SLC44A2: variants seen among roughly 807,000 people sequenced by gnomAD.
SLC44A2 encodes the protein solute carrier family 44 member 2 (CTL2 blood group).
Under a neutral mutation model 90.8 loss-of-function variants are expected in SLC44A2, and 57 were observed. That is an observed-to-expected ratio of 0.63 (90% confidence interval 0.51 to 0.78). SLC44A2 has a LOEUF of 0.78. SLC44A2 is among the 30% of genes least tolerant of loss of function. The pLI is 0.00. For missense variants in SLC44A2, 794 were observed against 919.7 expected (o/e 0.86, Z 1.77); for synonymous variants, 355 against 360.7 (o/e 0.98, Z 0.18).
chr19:10,612,599 T>TG (rs1918336691), intron 1 of SLC44A2, among the ~76,000 whole-genome samples: 1 of 152,212 alleles, frequency 6.6e-6, no homozygotes. Context: ...AGTGGCTGGC[T>TG]GTACGGGTGA....
chr19:10,631,280 C>T lies in SLC44A2; in HGVS notation c.336C>T (p.Cys112=), dbSNP rs532034896. 9 of 1,614,026 alleles carry T rather than the reference C, an allele frequency of 5.6e-6. No individual in the cohort carries two copies. The highest frequency in any genetic ancestry group is 1.7e-5 in the Admixed American group (1 of 59,972). Residue 112 remains cysteine (C), a synonymous_variant, in exon 6 of 22, where the codon TGC becomes TGT. Transcript: ENST00000335757. ...LEFQCPTPQI[C]VEKCPDRYLT... The stretch of plus-strand genomic sequence containing the variant: ...CCTTCCTTCTCCCCTCCCAGATCTG[C>T]GTGGAAAAATGCCCCGACCGCTACC...
chr19:10,641,798 A>C (rs1239068082), intron 20 of SLC44A2, among the ~76,000 whole-genome samples: 5 of 149,692 alleles, frequency 3.3e-5, no homozygotes, highest in African/African-American at 7.4e-5. Flanking sequence ...GTGAGCTGAG[A>C]TTGCACCACT....
intron 1 of SLC44A2, among the ~76,000 whole-genome samples, chr19:10,613,862 A>G (rs1002499654): frequency 1.3e-5 from 2 of 152,176 alleles, no homozygotes; most frequent in African/African-American, 2.4e-5. Flanking sequence ...AAAATCTCCG[A>G]AAGAAACAGC....
intron 21 of SLC44A2, 74 bp downstream of exon 21, chr19:10,642,525 A>C: frequency 7.2e-7 from 1 of 1,390,006 alleles, no homozygotes; most frequent in Admixed American, 1.7e-5. Flanking sequence ...ATCACCCTCC[A>C]ACGGGGCAAC....
At chr19:10,605,872 T>C (rs1224792041) in intron 1 of SLC44A2, among the ~76,000 whole-genome samples, 2 of 151,866 alleles carry the variant, frequency 1.3e-5, no homozygotes, top group African/African-American at 4.8e-5. Flanking sequence ...TGCACATCTG[T>C]AATCCCAGCT....
In SLC44A2 at chr19:10,627,716, C is replaced by G; in HGVS notation, c.87-6C>G. On this transcript the variant is annotated splice_region_variant and splice_polypyrimidine_tract_variant and intron_variant, in intron 2 of 21. Transcript: ENST00000335757. ...CTCCTCCAAACACTGCCCCTCTGCT[C>G]CCCAGGGGCTGCACGGATATCATAT... is the stretch of plus-strand genomic sequence containing the variant. 6.2e-7 allele frequency: 1 copy of G among 1,612,812 alleles called. No homozygotes were observed. Among genetic ancestry groups the G allele is most frequent in the Non-Finnish European group, 8.5e-7 (1 of 1,179,870 alleles).
chr19:10,618,036 T>C (rs191422339), intron 1 of SLC44A2, among the ~76,000 whole-genome samples: 1 of 152,258 alleles, frequency 6.6e-6, no homozygotes, highest in Admixed American at 6.6e-5. Flanking sequence ...ACAGTTTCAC[T>C]CTTCTCATCC....
chr19:10,638,802 CTT>C (rs769937779), intron 20 of SLC44A2, among the ~76,000 whole-genome samples: 8 of 136,520 alleles, frequency 5.9e-5, no homozygotes, highest in Admixed American at 1.5e-4. Context: ...ACCTGGCTAA[CTT>C]TTTTTTTTTT....
intron 9 of SLC44A2, 22 bp downstream of exon 9, chr19:10,631,973 C>G (rs1436390135): frequency 1.2e-6 from 2 of 1,613,606 alleles, no homozygotes; most frequent in African/African-American, 1.3e-5. Flanking sequence ...GGGAAGGGGC[C>G]TCTCCCCTGG....
intron 1 of SLC44A2, among the ~76,000 whole-genome samples, chr19:10,619,538 G>A (rs1002289007): frequency 2.9e-4 from 44 of 151,518 alleles, no homozygotes; most frequent in Non-Finnish European, 1.3e-4. Context: ...TTGTAGAGAC[G>A]AGGTCTCAAT....
Position 10,602,554 on chromosome 19 carries a change from A to AGCCTACGGTAGGAGCC in SLC44A2, c.29_31+13dup. ...CCATGGAGGACGAGCGGAAAAACGG[A>AGCCTACGGTAGGAGCC]GCCTACGGTAGGAGCCGCCTCCGGT... On this transcript the variant is annotated frameshift_variant, in exon 1 of 22. Transcript: ENST00000407327. LOFTEE classifies it high-confidence loss of function. 2 of 1,275,444 alleles carry AGCCTACGGTAGGAGCC rather than the reference A, an allele frequency of 1.6e-6. No individual in the cohort carries two copies. Among genetic ancestry groups the AGCCTACGGTAGGAGCC allele is most frequent in the African/African-American group, 3.1e-5 (2 of 64,654 alleles). The allele number at this position is 1,275,444 out of a possible 1,614,324, so 79.0% of individuals were successfully genotyped here.
chr19:10,633,621 A>C (rs2067020249), intron 10 of SLC44A2, among the ~76,000 whole-genome samples: 1 of 151,976 alleles, frequency 6.6e-6, no homozygotes. Flanking sequence ...ATGCCTGGCT[A>C]AATTTTTAAT....
At chr19:10,624,421 A>G (rs1264354590), upstream of SLC44A2, among the ~76,000 whole-genome samples, 1 of 152,054 alleles carries the variant, frequency 6.6e-6, no homozygotes, top group African/African-American at 2.4e-5. Flanking sequence ...CTCCTGCCTC[A>G]GCTTCCCAAG....
rs567543060 is a variant in SLC44A2 at position 10,641,389 on chromosome 19, G to A, written c.1930-978G>A. The stretch of plus-strand genomic sequence containing the variant: ...AGCCTGAGCAACACAGTGAGACCCT[G>A]TCTCAAAAAAAAAACAAAAAAAAAA... On this transcript the variant is annotated intron_variant, in intron 20 of 21. Coordinates refer to ENST00000335757, the MANE Select transcript of SLC44A2 (RefSeq NM_020428.4). 1.4e-4 allele frequency: 62 copies of A among 445,430 alleles called. 1 individual carries two copies. Among genetic ancestry groups the A allele is most frequent in the African/African-American group, 1.0e-3 (50 of 48,216 alleles). The allele number at this position is 445,430 out of a possible 1,614,324, so 27.6% of individuals were successfully genotyped here.
chr19:10,639,967 C>T (rs1243196498), intron 20 of SLC44A2, among the ~76,000 whole-genome samples: 1 of 151,834 alleles, frequency 6.6e-6, no homozygotes, highest in Non-Finnish European at 1.5e-5. Flanking sequence ...TATTGTATCT[C>T]AGTGTAGGTC....
In SLC44A2 at chr19:10,635,457, T is replaced by A; in HGVS notation, c.1175T>A (p.Val392Asp). ...TTCCTGTCCACTTCCAACGAAGCGGTCTATAAGATCTTTGATGACAGCCCC... is the reference window on the plus strand; with the variant it reads ...TTCCTGTCCACTTCCAACGAAGCGGACTATAAGATCTTTGATGACAGCCCC... ...AVFLSTSNEA[V>D]YKIFDDSPCP... The change falls in exon 14 of 22, where the codon GTC (valine) becomes GAC (aspartate). Residue 392 changes from valine to aspartate, a missense_variant. Coordinates refer to ENST00000335757, the MANE Select transcript of SLC44A2 (RefSeq NM_020428.4). 1 of 1,614,006 alleles carries A rather than the reference T, an allele frequency of 6.2e-7. No homozygotes were observed. The highest frequency in any genetic ancestry group is 2.2e-5 in the East Asian group (1 of 44,878).
At chr19:10,610,129 T>C (rs1323637928) in intron 1 of SLC44A2, among the ~76,000 whole-genome samples, 1 of 151,522 alleles carries the variant, frequency 6.6e-6, no homozygotes, top group Admixed American at 6.6e-5. Context: ...TTTAGATTGT[T>C]GGGTGGTGGC....
At chr19:10,632,759 G>A (rs1030486210) in intron 10 of SLC44A2, among the ~76,000 whole-genome samples, 12 of 150,238 alleles carry the variant, frequency 8.0e-5, no homozygotes, top group Admixed American at 3.3e-4. Flanking sequence ...TGCAACCTCC[G>A]CCTCCTGGGT....
rs913124932 is a variant in SLC44A2 at position 10,607,868 on chromosome 19, C to T, written c.31+5307C>T. Among the ~76,000 whole-genome samples the T allele has an allele frequency of 3.5e-3, 521 of 150,672 alleles. 3 individuals carry two copies. Among genetic ancestry groups the T allele is most frequent in the African/African-American group, 0.012 (505 of 41,268 alleles). On this transcript the variant is annotated intron_variant, in intron 1 of 21. Coordinates refer to the SLC44A2 transcript ENST00000407327. Reference sequence around the variant, plus strand: ...TCATGCCATTCTCCTGCCTCAGCCTCCCGAGTAGCTGGGACTACAGGCGCC... The same window carrying T: ...TCATGCCATTCTCCTGCCTCAGCCTTCCGAGTAGCTGGGACTACAGGCGCC...
Sources: allele counts gnomAD v4.1 joint callset (sites outside exome capture counted in the v4.1 genomes callset), GRCh38; gene constraint gnomAD v4.1.1; transcripts MANE v1.5; gene names NCBI Gene and HGNC (gene_info 2026-07-23, HGNC 2026-07-21).